The following MVB12B variants were observed in gnomAD, a reference collection of about 807,000 sequenced individuals.
MVB12B encodes ESCRT-I complex subunit MVB12B.
A neutral mutation model predicts 41.6 loss-of-function variants in MVB12B; 16 were observed. That is an observed-to-expected ratio of 0.38 (90% CI 0.26 to 0.58). The LOEUF (loss-of-function observed/expected upper bound fraction) is 0.58, where lower values mean the gene tolerates loss of function less well. Among genes scored for constraint, MVB12B ranks in the 20% least tolerant of loss-of-function variants. MVB12B has a pLI of 0.62. For missense variants in MVB12B, 274 were observed against 380.2 expected, an observed-to-expected ratio of 0.72 and a Z score of 2.32; for synonymous variants, 133 against 139.7, an observed-to-expected ratio of 0.95 and a Z score of 0.34.
intron 7 of MVB12B, chr9:126,481,031 A>C (rs1833513065): frequency 3.4e-6 from 1 of 293,380 alleles, no homozygotes; most frequent in Non-Finnish European, 6.3e-6. Flanking sequence ...TCCTGCTGCC[A>C]GCCCCTGGTG....
At chr9:126,466,384 GTC>G (rs1833198751) in intron 7 of MVB12B, among the ~76,000 whole-genome samples, 1 of 152,334 alleles carries the variant, frequency 6.6e-6, no homozygotes, top group East Asian at 1.9e-4. Context: ...CTCTGCTGGT[GTC>G]ATAACTGCTA....
At chr9:126,424,954 C>T (rs1295203971) in intron 7 of MVB12B, among the ~76,000 whole-genome samples, 3 of 152,184 alleles carry the variant, frequency 2.0e-5, no homozygotes, top group African/African-American at 7.2e-5. Context: ...TTAAATGCCC[C>T]AAACAAAGAC....
At chr9:126,475,124 G>A (rs1023778589) in intron 7 of MVB12B, among the ~76,000 whole-genome samples, 5 of 152,110 alleles carry the variant, frequency 3.3e-5, no homozygotes, top group South Asian at 2.1e-4. Context: ...CCTACACTAC[G>A]AGACTCTTCA....
intron 7 of MVB12B, among the ~76,000 whole-genome samples, chr9:126,440,097 GCCTGAGGGTGAGTCCTGCAGACA>G (rs1832592371): frequency 6.6e-6 from 1 of 152,194 alleles, no homozygotes; most frequent in East Asian, 1.9e-4. Flanking sequence ...TTGGACAGAT[GCCTGAGGGTGAGTCCTGCAGACA>G]CTCGAGGGTC....
At position 126,486,386 on chromosome 9, in the gene MVB12B, C is replaced by G. The variant is rs1337036454; in HGVS notation, c.873+2354C>G. On this transcript the variant is annotated intron_variant, in intron 9 of 9. Coordinates refer to ENST00000361171, the MANE Select transcript of MVB12B (RefSeq NM_033446.3). The surrounding 1 kb of genome is among the most constrained non-coding windows in gnomAD (Gnocchi z 4.7). ...TGTGAGGAAGGCCTCAGAGGAGCTG[C>G]TGCTGCCACAGGTGGTCACCAGGGC... Among the ~76,000 whole-genome samples, 1 of 152,178 alleles carries G rather than the reference C, an allele frequency of 6.6e-6. No homozygotes were observed. Among genetic ancestry groups the G allele is most frequent in the African/African-American group, 2.4e-5 (1 of 41,452 alleles).
At chr9:126,408,712 C>T (rs970672319) in intron 6 of MVB12B, among the ~76,000 whole-genome samples, 1 of 152,186 alleles carries the variant, frequency 6.6e-6, no homozygotes, top group East Asian at 1.9e-4. Context: ...TGGCCGTGTC[C>T]TGAGTCCTTC....
chr9:126,463,339 G>A (rs956600838), intron 7 of MVB12B, among the ~76,000 whole-genome samples: 2 of 152,174 alleles, frequency 1.3e-5, no homozygotes, highest in Non-Finnish European at 2.9e-5. Context: ...TATGTGAGGG[G>A]TAGGAAAACC....
chr9:126,335,544 C>A, intron 1 of MVB12B: 1 of 506,938 alleles, frequency 2.0e-6, no homozygotes, highest in Non-Finnish European at 3.7e-6. Flanking sequence ...TTGCGATTTG[C>A]CAGCAGAAAG....
At chr9:126,417,428 A>C (rs1831860025) in intron 6 of MVB12B, among the ~76,000 whole-genome samples, 1 of 151,976 alleles carries the variant, frequency 6.6e-6, no homozygotes, top group African/African-American at 2.4e-5. Flanking sequence ...GCTGCTGCTG[A>C]TTTCTTCTTA....
chr9:126,506,990 G>C lies in MVB12B; in HGVS notation c.*3727G>C, dbSNP rs1486228368. On this transcript the variant is annotated 3_prime_UTR_variant, in exon 10 of 10. Coordinates refer to ENST00000361171, the MANE Select transcript of MVB12B (RefSeq NM_033446.3). ...GGCAAGGGAAGTCCACTGTGTGATT[G>C]TCTGTATTCTTAATATAATTTGTTA... 6.5e-6 allele frequency: 1 copy of C among 152,676 alleles called. No homozygotes were observed. The highest frequency in any genetic ancestry group is 1.5e-5 in the Non-Finnish European group (1 of 68,058). 9.5% of individuals were successfully genotyped at this position (152,676 alleles called of 1,614,324 possible).
chr9:126,327,111 C>A, intron 1 of MVB12B, 101 bp downstream of exon 1: 1 of 277,536 alleles, frequency 3.6e-6, no homozygotes, highest in Non-Finnish European at 5.4e-6. Flanking sequence ...GGCGGGCGGA[C>A]GGGAGGAGCC....
chr9:126,415,773 G>C (rs1644144583), intron 6 of MVB12B, among the ~76,000 whole-genome samples: 1 of 152,148 alleles, frequency 6.6e-6, no homozygotes, highest in Non-Finnish European at 1.5e-5. Context: ...GGAAGAAAAG[G>C]TGTGGTGGAG....
Position 126,436,551 on chromosome 9 carries a change from T to G in MVB12B, c.757+14603T>G, listed in dbSNP as rs1049049234. On this transcript the variant is annotated intron_variant, in intron 7 of 9. Coordinates refer to ENST00000361171, the MANE Select transcript of MVB12B (RefSeq NM_033446.3). The surrounding 1 kb of genome is among the most constrained non-coding windows in gnomAD (Gnocchi z 4.1). ...GTACTAGTTTGAGTATACCTATGAC[T>G]TTTCATTTGTAAATGCTTTAGCTAC... 6.6e-6 allele frequency among the ~76,000 whole-genome samples: 1 copy of G among 152,242 alleles called. No homozygotes were observed. The highest frequency in any genetic ancestry group is 2.4e-5 in the African/African-American group (1 of 41,466).
intron 6 of MVB12B, among the ~76,000 whole-genome samples, chr9:126,398,000 C>T (rs574270880): frequency 6.6e-6 from 1 of 152,116 alleles, no homozygotes; most frequent in Non-Finnish European, 1.5e-5. Context: ...ACACCAGCTC[C>T]GGGATTTCCT....
At chr9:126,483,493 C>G (rs1328869262) in intron 8 of MVB12B, among the ~76,000 whole-genome samples, 1 of 152,170 alleles carries the variant, frequency 6.6e-6, no homozygotes, top group African/African-American at 2.4e-5. Flanking sequence ...CCCTGGATTC[C>G]CCCTAAGGAA....
At chr9:126,345,142 G>T (rs71497615) in intron 2 of MVB12B, among the ~76,000 whole-genome samples, 48 of 152,150 alleles carry the variant, frequency 3.2e-4, no homozygotes, top group South Asian at 8.3e-4. Context: ...TGACAGCTGT[G>T]GTGGGGGTCC....
intron 7 of MVB12B, among the ~76,000 whole-genome samples, chr9:126,442,420 C>G (rs945211442): frequency 1.3e-5 from 2 of 152,188 alleles, no homozygotes; most frequent in African/African-American, 4.8e-5. Flanking sequence ...AATAGCTTAT[C>G]AGTGGATATC....
intron 7 of MVB12B, among the ~76,000 whole-genome samples, chr9:126,477,850 C>T (rs547308004): frequency 6.6e-6 from 1 of 152,336 alleles, no homozygotes; most frequent in East Asian, 1.9e-4. Flanking sequence ...ACCCATTCTT[C>T]CTCATCTCCT....
intron 7 of MVB12B, among the ~76,000 whole-genome samples, chr9:126,435,281 C>T (rs139762753): frequency 3.9e-4 from 59 of 152,256 alleles, no homozygotes; most frequent in Middle Eastern, 3.4e-3. Flanking sequence ...TGCAGTGTGA[C>T]CTCACCTAAA....
Sources: gnomAD v4.1 joint callset for allele counts (sites outside exome capture counted in the v4.1 genomes callset) on GRCh38, gnomAD v4.1.1 for gene constraint, Gnocchi (gnomAD v3.1) non-coding constraint, MANE v1.5 for transcripts, NCBI Gene and HGNC (gene_info 2026-07-23, HGNC 2026-07-21) for gene names.